The following FILIP1L variants were observed in gnomAD, a reference collection of about 807,000 sequenced individuals.
The protein encoded by FILIP1L is filamin A interacting protein 1 like.
A neutral mutation model predicts 96.6 loss-of-function variants in FILIP1L; 55 were observed. The ratio of observed to expected loss-of-function variants is 0.57; its 90% CI spans 0.46 to 0.71. The LOEUF is 0.71. Ranked by LOEUF, FILIP1L falls within the 30% of genes least tolerant of loss-of-function variation. The pLI is 0.00. For missense variants in FILIP1L, 1,304 were observed against 1,321.2 expected, an observed-to-expected ratio of 0.99 and a Z score of 0.20; for synonymous variants, 467 against 473.9, an observed-to-expected ratio of 0.99 and a Z score of 0.19.
intron 1 of FILIP1L, among the ~76,000 whole-genome samples, chr3:99,933,118 G>A (rs1425215666): frequency 1.3e-5 from 2 of 152,136 alleles, no homozygotes; most frequent in Non-Finnish European, 2.9e-5. Context: ...TGGCAAAACT[G>A]GGATTTGAGT....
chr3:99,840,015 G>C (rs1943060479), intron 5 of FILIP1L, among the ~76,000 whole-genome samples: 1 of 152,102 alleles, frequency 6.6e-6, no homozygotes, highest in Non-Finnish European at 1.5e-5. Context: ...CATGTCTGGA[G>C]ATATTATTGT....
intron 1 of FILIP1L, among the ~76,000 whole-genome samples, chr3:100,093,125 T>C (rs2066141802): frequency 6.6e-6 from 1 of 152,176 alleles, no homozygotes. Flanking sequence ...TAGCTCATTT[T>C]AAACATACTC....
rs541398669 is a variant in FILIP1L at position 100,042,489 on chromosome 3, T to C, written c.-11+71564A>G. 3.3e-5 allele frequency among the ~76,000 whole-genome samples: 5 copies of C among 152,356 alleles called. No individual in the cohort carries two copies. The South Asian group carries it at 8.3e-4, about 25-fold the overall frequency. On this transcript the variant is annotated intron_variant, in intron 1 of 5. Coordinates refer to ENST00000477258, the MANE Select transcript of FILIP1L (RefSeq NM_001387850.1). ...ACAAGATCTTTGTGCACCTTTTGAC[T>C]AATCAGAGACAAATCATATCAGGCT...
At chr3:99,876,612 G>T (rs939884624) in intron 4 of FILIP1L, among the ~76,000 whole-genome samples, 5 of 152,108 alleles carry the variant, frequency 3.3e-5, no homozygotes, top group African/African-American at 4.8e-5. Flanking sequence ...AGAAGTCTGG[G>T]GTTTTGTGGA....
At chr3:99,922,909 GCCCTTA>G (rs1443744049) in intron 4 of FILIP1L, among the ~76,000 whole-genome samples, 1 of 152,062 alleles carries the variant, frequency 6.6e-6, no homozygotes, top group Non-Finnish European at 1.5e-5. Context: ...TTTGGCTTCT[GCCCTTA>G]CCACTTTATT....
At chr3:99,933,729 A>G (rs1217691960) in intron 1 of FILIP1L, among the ~76,000 whole-genome samples, 3 of 152,130 alleles carry the variant, frequency 2.0e-5, no homozygotes. Context: ...AGGGCCATCT[A>G]TGTCCTTTGT....
At chr3:99,897,955 C>T (rs1706312397) in intron 4 of FILIP1L, among the ~76,000 whole-genome samples, 1 of 152,184 alleles carries the variant, frequency 6.6e-6, no homozygotes, top group Non-Finnish European at 1.5e-5. Flanking sequence ...TGAGAACCAA[C>T]TCTATTAAGA....
intron 1 of FILIP1L, among the ~76,000 whole-genome samples, chr3:99,936,437 A>G (rs112464772): frequency 2.3e-5 from 3 of 128,290 alleles, no homozygotes; most frequent in East Asian, 2.3e-4. Flanking sequence ...GTGCAGTGGC[A>G]CGATCTCGGC....
At chr3:100,048,090 C>G (rs940541460) in intron 1 of FILIP1L, among the ~76,000 whole-genome samples, 17 of 152,152 alleles carry the variant, frequency 1.1e-4, no homozygotes, top group African/African-American at 3.1e-4. Flanking sequence ...CAAACAGCCA[C>G]AATCCAAGTC....
intron 5 of FILIP1L, among the ~76,000 whole-genome samples, chr3:99,845,393 G>T (rs961139995): frequency 2.0e-5 from 3 of 152,216 alleles, no homozygotes; most frequent in Non-Finnish European, 2.9e-5. Context: ...CGAGGACTTA[G>T]ACCAATGAAA....
At chr3:99,994,248 A>C (rs975900576) in intron 1 of FILIP1L, among the ~76,000 whole-genome samples, 1 of 152,230 alleles carries the variant, frequency 6.6e-6, no homozygotes, top group Non-Finnish European at 1.5e-5. Flanking sequence ...AAAGATTACT[A>C]GACCTAAAGA....
At chr3:100,024,018 C>T (rs1012503103) in intron 1 of FILIP1L, among the ~76,000 whole-genome samples, 1 of 152,162 alleles carries the variant, frequency 6.6e-6, no homozygotes, top group Non-Finnish European at 1.5e-5. Context: ...CCCCCTTCAG[C>T]TGACAGACTG....
At chr3:99,935,615 G>C (rs1707639507) in intron 1 of FILIP1L, among the ~76,000 whole-genome samples, 1 of 152,214 alleles carries the variant, frequency 6.6e-6, no homozygotes, top group South Asian at 2.1e-4. Flanking sequence ...CCTCTACCCT[G>C]TTCCTCACCC....
intron 1 of FILIP1L, among the ~76,000 whole-genome samples, chr3:99,935,706 C>T (rs1415206539): frequency 6.6e-6 from 1 of 152,194 alleles, no homozygotes; most frequent in Non-Finnish European, 1.5e-5. Context: ...CTTTAGAATT[C>T]TGGGACTCTC....
chr3:99,898,295 T>C (rs1184391929), intron 4 of FILIP1L: 1 of 152,196 alleles, frequency 6.6e-6, no homozygotes, highest in African/African-American at 2.4e-5. Context: ...GCAAACAAAT[T>C]ATACTATATG....
intron 5 of FILIP1L, among the ~76,000 whole-genome samples, chr3:99,832,533 C>T (rs1284640853): frequency 8.8e-6 from 1 of 113,640 alleles, no homozygotes; most frequent in Non-Finnish European, 1.8e-5. Context: ...CCCAGCCATT[C>T]CCAAATCTTT....
intron 1 of FILIP1L, among the ~76,000 whole-genome samples, chr3:99,937,797 G>C (rs1707726420): frequency 6.6e-6 from 1 of 152,190 alleles, no homozygotes; most frequent in African/African-American, 2.4e-5. Context: ...ATTAGAAAAA[G>C]GGTACTGAGA....
At chr3:99,954,753 G>C (rs1317685366) in intron 1 of FILIP1L, among the ~76,000 whole-genome samples, 8 of 152,034 alleles carry the variant, frequency 5.3e-5, no homozygotes, top group African/African-American at 1.4e-4. Flanking sequence ...TTGAACCCGG[G>C]AGGTGGAGAT....
chr3:99,841,143 T>C (rs768907103), intron 5 of FILIP1L, among the ~76,000 whole-genome samples: 1 of 152,238 alleles, frequency 6.6e-6, no homozygotes, highest in Non-Finnish European at 1.5e-5. Context: ...ACATATTGCA[T>C]ACTAAGACAC....
Sources: allele counts gnomAD v4.1 joint callset (sites outside exome capture counted in the v4.1 genomes callset), GRCh38; gene constraint gnomAD v4.1.1; transcripts MANE v1.5; gene names NCBI Gene and HGNC (gene_info 2026-07-23, HGNC 2026-07-21).